Variants in ZP2 observed in about 807,000 individuals in gnomAD.
ZP2 encodes zona pellucida glycoprotein 2, also known as zona pellucida sperm-binding protein 2.
In ZP2, 51 loss-of-function variants were observed where a neutral mutation model predicts 84.0. The ratio of observed to expected loss-of-function variants is 0.61; its 90% CI spans 0.49 to 0.77. The LOEUF (loss-of-function observed/expected upper bound fraction) is 0.77, where lower values mean the gene tolerates loss of function less well. Among genes scored for constraint, ZP2 ranks in the 30% least tolerant of loss-of-function variants. The pLI is 0.00. For synonymous variants in ZP2, 375 were observed against 330.9 expected (o/e 1.13, Z -1.45); for missense variants, 909 against 911.9 (o/e 1.00, Z 0.04).
intron 2 of ZP2, 138 bp downstream of exon 2, chr16:21,211,168 GA>G (rs1283871159): frequency 8.2e-6 from 6 of 735,138 alleles, no homozygotes; most frequent in Non-Finnish European, 2.3e-6. Flanking sequence ...GCAGAAGAAA[GA>G]TCCAGTAACC....
At position 21,201,793 on chromosome 16, in the gene ZP2, G is replaced by T; in HGVS notation, c.1417C>A (p.Leu473Ile). 4 of 1,614,112 alleles carry T rather than the reference G, an allele frequency of 2.5e-6. No individual in the cohort carries two copies. Among genetic ancestry groups the T allele is most frequent in the Non-Finnish European group, 3.4e-6 (4 of 1,180,006 alleles). ...AGGCTTTCAACGTTGATGTTTAGTA[G>T]CATGTCATTCCTGCTATAAGAACAC... ...VKCSYSRNDM[L>I]LNINVESLTP... Residue 473 changes from leucine (L) to isoleucine (I), a missense_variant, in exon 13 of 19, where the codon CTA (leucine) becomes ATA (isoleucine). Physicochemically the swap from Leu to Ile is conservative, Grantham distance 5. Coordinates refer to ENST00000574091, the MANE Select transcript of ZP2 (RefSeq NM_001376232.1).
intron 3 of ZP2, 29 bp from the exon 4 acceptor site, chr16:21,209,754 A>G (rs756592304): frequency 5.0e-6 from 8 of 1,597,894 alleles, no homozygotes; most frequent in Non-Finnish European, 6.9e-6. Flanking sequence ...GTTAGACAGG[A>G]TGGCTGAGTA....
chr16:21,202,131 G>A lies in ZP2; in HGVS notation c.1260C>T (p.Pro420=), dbSNP rs776735945. 6.2e-7 allele frequency: 1 copy of A among 1,613,092 alleles called. No individual in the cohort carries two copies. Among genetic ancestry groups the A allele is most frequent in the East Asian group, 2.2e-5 (1 of 44,872 alleles). Residue 420 remains proline (P), a synonymous_variant, in exon 11 of 19, where the codon CCC becomes CCT. Coordinates refer to ENST00000574091, the MANE Select transcript of ZP2 (RefSeq NM_001376232.1). ...TATATCTCGTTCCACATCCATTCAG[G>A]GGTATGTGGAACCGTACCAGCCCCT... ...QSQGLVRFHI[P]LNGCGTRYKF... is the part of the protein sequence containing the mutation.
Position 21,205,785 on chromosome 16 carries a change from A to C in ZP2, c.484-10T>G. ...CCCGTGGCAAGGAAAACTGGAAGAA[A>C]AGAATTGTGATGTAAGACTTTGATT... On this transcript the variant is annotated splice_polypyrimidine_tract_variant and intron_variant, in intron 5 of 18. Transcript: ENST00000574091. 1 of 1,613,874 alleles carries C rather than the reference A, an allele frequency of 6.2e-7. No homozygotes were observed. Among genetic ancestry groups the C allele is most frequent in the Non-Finnish European group, 8.5e-7 (1 of 1,179,866 alleles).
chr16:21,201,688 C>T lies in ZP2; in HGVS notation c.1504+18G>A, dbSNP rs368387333. 39 of 1,613,816 alleles carry T rather than the reference C, an allele frequency of 2.4e-5. 1 individual carries two copies. The highest frequency in any genetic ancestry group is 3.0e-5 in the Non-Finnish European group (35 of 1,179,972). On this transcript the variant is annotated intron_variant, in intron 13 of 18. Coordinates refer to ENST00000574091, the MANE Select transcript of ZP2 (RefSeq NM_001376232.1). ...GTTTGAGATCATTTAAGCAATTTCA[C>T]AGACTGCAATCTCTTACCTGGGTAG...
chr16:21,211,373 A>G lies in ZP2; in HGVS notation c.85T>C (p.Phe29Leu), dbSNP rs763761770. The change falls in exon 2 of 19, where the codon TTC (phenylalanine) becomes CTC (leucine). Residue 29 changes from phenylalanine (F) to leucine (L), a missense_variant. Transcript: ENST00000574091. The part of the protein sequence containing the change: ...GWSTYRSISL[F>L]FALVTSGNSI... Reference sequence around the variant, plus strand: ...TTCCCTGAAGTCACAAGGGCGAAGAAGAGAGAAATCGACCTGTAGGTGCTG... The same window carrying G: ...TTCCCTGAAGTCACAAGGGCGAAGAGGAGAGAAATCGACCTGTAGGTGCTG... 6.2e-7 allele frequency: 1 copy of G among 1,614,216 alleles called. No homozygotes were observed. The highest frequency in any genetic ancestry group is 8.5e-7 in the Non-Finnish European group (1 of 1,180,038).
At position 21,204,314 on chromosome 16, in the gene ZP2, C is replaced by T. The variant is rs752909556; in HGVS notation, c.784G>A (p.Ala262Thr). 3.7e-6 allele frequency: 6 copies of T among 1,614,066 alleles called. No individual in the cohort carries two copies. In the Admixed American group the frequency reaches 6.7e-5, roughly 18 times the overall value. ...KVIFSSQAIC[A>T]PDPVTCNATH... ...CAGCTATCTGGGACCTTACCTGGTG[C>T]ACAAATAGCTTGTGAAGAGAAGATC... Residue 262 changes from alanine to threonine, a missense_variant, in exon 8 of 19, where the codon GCA becomes ACA. Physicochemically the swap from Ala to Thr is moderately conservative, Grantham distance 58. Transcript: ENST00000574091.
Position 21,201,761 on chromosome 16 carries a change from AG to A in ZP2, c.1448del (p.Pro483LeufsTer6). 1.2e-6 allele frequency: 2 copies of A among 1,614,124 alleles called. No individual in the cohort carries two copies. The highest frequency in any genetic ancestry group is 1.7e-6 in the Non-Finnish European group (2 of 1,180,020). On this transcript the variant is annotated frameshift_variant, in exon 13 of 19. Transcript: ENST00000574091. LOFTEE classifies it high-confidence loss of function. Reference protein sequence around the residue: ...LLNINVESLTPPVASVKLGPF... With the variant: ...LLNINVESLTXPVASVKLGPF... ...GACCCAACTTCACTGAGGCCACTGG[AG>A]GAGTAAGGCTTTCAACGTTGATGTT...
At chr16:21,209,033 G>A (rs950848174) in intron 4 of ZP2, among the ~76,000 whole-genome samples, 3 of 152,198 alleles carry the variant, frequency 2.0e-5, no homozygotes, top group African/African-American at 4.8e-5. Flanking sequence ...TGTGTTATGG[G>A]GAGGAGACTT....
In ZP2 at chr16:21,204,017, C is replaced by T. The variant is rs1056314850; in HGVS notation, c.972+13G>A. 1 of 1,611,134 alleles carries T rather than the reference C, an allele frequency of 6.2e-7. No individual in the cohort carries two copies. Among genetic ancestry groups the T allele is most frequent in the Non-Finnish European group, 8.5e-7 (1 of 1,179,954 alleles). On this transcript the variant is annotated intron_variant, in intron 9 of 18. Transcript: ENST00000574091. Reference sequence around the variant, plus strand: ...GGACCCGGTGGAGTTCAGTGGTTGACAATTGAACATACTTTCGTTTTGAGC... The same window carrying T: ...GGACCCGGTGGAGTTCAGTGGTTGATAATTGAACATACTTTCGTTTTGAGC...
intron 2 of ZP2, 93 bp from the exon 3 acceptor site, chr16:21,210,285 C>T (rs1364808021): frequency 1.0e-6 from 1 of 1,001,280 alleles, no homozygotes; most frequent in African/African-American, 1.6e-5. Context: ...GGAGGGATTC[C>T]AGATGAGGGA....
At chr16:21,211,770 A>G (rs534512506), upstream of ZP2, 50 of 1,452,184 alleles carry the variant, frequency 3.4e-5, no homozygotes, top group Non-Finnish European at 4.3e-5. Context: ...ATGAAATCAG[A>G]GTTTGCTGAA....
chr16:21,209,795 C>T, intron 3 of ZP2, 70 bp from the exon 4 acceptor site: 2 of 1,346,188 alleles, frequency 1.5e-6, no homozygotes, highest in South Asian at 1.2e-5. Flanking sequence ...GCTATAGAGT[C>T]AAGACCACCA....
rs768902572 is a variant in ZP2 at position 21,201,419 on chromosome 16, C to A, written c.1644G>T (p.Thr548=). The change falls in exon 14 of 19, where the codon ACG becomes ACT. Residue 548 remains threonine, a synonymous_variant. Transcript: ENST00000574091. ...IKLVLDDCWA[T]STMDPDSFPQ... ...GGAAAGAGTCTGGATCCATGGTGGACGTCGCCCAGCAGTCATCTAAGACCA... is the reference window on the plus strand; with the variant it reads ...GGAAAGAGTCTGGATCCATGGTGGAAGTCGCCCAGCAGTCATCTAAGACCA... The A allele has an allele frequency of 5.0e-6, 8 of 1,607,116 alleles. No individual in the cohort carries two copies. The South Asian group carries it at 7.8e-5, about 16-fold the overall frequency.
chr16:21,206,438 A>G (rs931827630), intron 5 of ZP2, among the ~76,000 whole-genome samples: 4 of 152,190 alleles, frequency 2.6e-5, no homozygotes, highest in African/African-American at 9.7e-5. Flanking sequence ...GACATTAGCC[A>G]TGTTAGACTC....
At position 21,203,983 on chromosome 16, in the gene ZP2, T is replaced by A; in HGVS notation, c.972+47A>T. 3 of 1,602,380 alleles carry A rather than the reference T, an allele frequency of 1.9e-6. No homozygotes were observed. In the Admixed American group the frequency reaches 5.0e-5, roughly 27 times the overall value. On this transcript the variant is annotated intron_variant, in intron 9 of 18. Transcript: ENST00000574091. ...ATGAGGACTACCCACAAGAGTATAC[T>A]TCAAGTCAGGACCCGGTGGAGTTCA...
upstream of ZP2, chr16:21,211,576 T>A: frequency 1.9e-6 from 3 of 1,613,810 alleles, no homozygotes; most frequent in Non-Finnish European, 1.7e-6. Context: ...ATCAACCAGG[T>A]AGAGGGTAGG....
chr16:21,207,515 T>A (rs1009681442), intron 4 of ZP2, among the ~76,000 whole-genome samples: 1 of 152,146 alleles, frequency 6.6e-6, no homozygotes, highest in East Asian at 1.9e-4. Flanking sequence ...CTGGGCATGG[T>A]GGCTCATTGC....
chr16:21,201,445 G>A lies in ZP2; in HGVS notation c.1618C>T (p.Leu540=), dbSNP rs757285356. ...GTCGCCCAGCAGTCATCTAAGACCA[G>A]CTTGATGTTGGGGTCATCCCTGTTT... The part of the protein sequence containing the change: ...VLNRDDPNIK[L]VLDDCWATST... The change falls in exon 14 of 19, where the codon CTG becomes TTG. Residue 540 remains leucine (L), a synonymous_variant. Transcript: ENST00000574091. 7 of 1,613,322 alleles carry A rather than the reference G, an allele frequency of 4.3e-6. No homozygotes were observed. The highest frequency in any genetic ancestry group is 5.9e-6 in the Non-Finnish European group (7 of 1,179,764).
Sources: gnomAD v4.1 joint callset for allele counts (sites outside exome capture counted in the v4.1 genomes callset) on GRCh38, gnomAD v4.1.1 for gene constraint, MANE v1.5 for transcripts, NCBI Gene and HGNC (gene_info 2026-07-23, HGNC 2026-07-21) for gene names.